The following HPSE2 variants were observed in gnomAD, a reference collection of about 807,000 sequenced individuals.
HPSE2 encodes heparanase 2 (inactive).
A neutral mutation model predicts 60.5 loss-of-function variants in HPSE2; 38 were observed. The ratio of observed to expected loss-of-function variants is 0.63; its 90% CI spans 0.48 to 0.82. HPSE2 has a LOEUF of 0.82. HPSE2 is among the 40% of genes least tolerant of loss of function. The probability of loss-of-function intolerance (pLI) is 0.00; values close to 1 mark genes in which losing one functional copy is unlikely to be tolerated. For missense variants in HPSE2, 713 were observed against 740.4 expected (o/e 0.96, Z 0.43); for synonymous variants, 295 against 293.2 (o/e 1.01, Z -0.06).
the HPSE2 span, among the ~76,000 whole-genome samples, chr10:99,263,756 C>T: frequency 2.2e-4 from 33 of 152,144 alleles, no homozygotes; most frequent in Non-Finnish European, 4.3e-4. Context: ...TCCTTCCAGC[C>T]TCACAGGCTC....
chr10:99,264,556 A>T, the HPSE2 span, among the ~76,000 whole-genome samples: 1 of 152,220 alleles, frequency 6.6e-6, no homozygotes, highest in Non-Finnish European at 1.5e-5. Flanking sequence ...CTGGCATATG[A>T]CAACATAAAA....
At chr10:98,882,838 C>G (rs772170843) in intron 3 of HPSE2, among the ~76,000 whole-genome samples, 16 of 152,078 alleles carry the variant, frequency 1.1e-4, no homozygotes, top group Non-Finnish European at 2.2e-4. Context: ...TACAACAATA[C>G]TATGGAATAA....
chr10:99,143,782 TAAG>T, intron 3 of HPSE2, among the ~76,000 whole-genome samples: 1 of 152,172 alleles, frequency 6.6e-6, no homozygotes, highest in East Asian at 1.9e-4. Flanking sequence ...TCTTTGCTCT[TAAG>T]AAGAAAATCA....
chr10:99,122,683 C>T (rs1432399961), intron 3 of HPSE2, among the ~76,000 whole-genome samples: 1 of 151,954 alleles, frequency 6.6e-6, no homozygotes, highest in Non-Finnish European at 1.5e-5. Flanking sequence ...GAGATATATA[C>T]TATTTTCTTA....
chr10:98,991,295 C>G (rs184234198), intron 3 of HPSE2, among the ~76,000 whole-genome samples: 1 of 152,012 alleles, frequency 6.6e-6, no homozygotes, highest in African/African-American at 2.4e-5. Context: ...TTTATTTAGA[C>G]GGCCAGGAAA....
intron 8 of HPSE2, among the ~76,000 whole-genome samples, chr10:98,618,433 G>T (rs1323877501): frequency 6.6e-6 from 1 of 152,118 alleles, no homozygotes; most frequent in African/African-American, 2.4e-5. Flanking sequence ...GCTGGGCCCT[G>T]CAGCAGCGTC....
chr10:99,069,635 T>C (rs1418929103), intron 3 of HPSE2, among the ~76,000 whole-genome samples: 2 of 151,240 alleles, frequency 1.3e-5, no homozygotes, highest in Non-Finnish European at 2.9e-5. Context: ...GTACTAATAC[T>C]CAATCTTCTT....
At chr10:98,921,123 C>G (rs1451019456) in intron 3 of HPSE2, among the ~76,000 whole-genome samples, 2 of 152,158 alleles carry the variant, frequency 1.3e-5, no homozygotes, top group African/African-American at 2.4e-5. Flanking sequence ...CTCTGATCCT[C>G]CATTCTCTCA....
At chr10:98,919,198 G>T (rs1270365049) in intron 3 of HPSE2, among the ~76,000 whole-genome samples, 1 of 152,110 alleles carries the variant, frequency 6.6e-6, no homozygotes, top group East Asian at 1.9e-4. Flanking sequence ...AACAAGTAGA[G>T]CACATTCTAC....
At chr10:99,304,782 G>A in the HPSE2 span, among the ~76,000 whole-genome samples, 20 of 152,218 alleles carry the variant, frequency 1.3e-4, no homozygotes, top group Admixed American at 2.6e-4. Context: ...ATTGGGCCAA[G>A]CACAGGAATG....
chr10:99,008,881 T>C (rs1351092612), intron 3 of HPSE2, among the ~76,000 whole-genome samples: 1 of 152,128 alleles, frequency 6.6e-6, no homozygotes, highest in Non-Finnish European at 1.5e-5. Context: ...GATCCCTTTA[T>C]TGTCACAACA....
rs376859880 is a variant in HPSE2 at position 98,706,430 on chromosome 10, G to A, written c.957-12483C>T. Among the ~76,000 whole-genome samples, 11 of 152,252 alleles carry A rather than the reference G, an allele frequency of 7.2e-5. No homozygotes were observed. The South Asian group carries it at 1.2e-3, about 17-fold the overall frequency. On this transcript the variant is annotated intron_variant, in intron 5 of 11. Coordinates refer to ENST00000370552, the MANE Select transcript of HPSE2 (RefSeq NM_021828.5). Reference sequence around the variant, plus strand: ...GGTATCAGAAGACGACTGGCTCAGGGCCTCTGCTACAAGACAACCACAATG... The same window carrying A: ...GGTATCAGAAGACGACTGGCTCAGGACCTCTGCTACAAGACAACCACAATG...
intron 3 of HPSE2, among the ~76,000 whole-genome samples, chr10:98,776,310 G>A (rs1241195364): frequency 2.6e-5 from 4 of 151,680 alleles, no homozygotes; most frequent in Non-Finnish European, 5.9e-5. Flanking sequence ...AGCTGGGTGT[G>A]GTGGCGCATG....
At chr10:98,484,447 A>G (rs1461357229) in intron 10 of HPSE2, among the ~76,000 whole-genome samples, 4 of 152,232 alleles carry the variant, frequency 2.6e-5, no homozygotes, top group Non-Finnish European at 5.9e-5. Flanking sequence ...CATGTTGGCC[A>G]GGCTGGTCTT....
intron 3 of HPSE2, among the ~76,000 whole-genome samples, chr10:99,076,957 T>C (rs143932756): frequency 1.8e-4 from 27 of 152,358 alleles, no homozygotes; most frequent in African/African-American, 4.3e-4. Flanking sequence ...TCCATCATTA[T>C]TGAAGGACAA....
At chr10:98,868,150 T>C (rs1952640914) in intron 3 of HPSE2, among the ~76,000 whole-genome samples, 1 of 151,408 alleles carries the variant, frequency 6.6e-6, no homozygotes, top group South Asian at 2.1e-4. Flanking sequence ...CACAATGAAG[T>C]ACTATTCAGC....
At chr10:98,768,990 T>C (rs910300861) in intron 3 of HPSE2, among the ~76,000 whole-genome samples, 21 of 152,108 alleles carry the variant, frequency 1.4e-4, no homozygotes, top group Non-Finnish European at 7.4e-5. Flanking sequence ...GAGGTTGCAG[T>C]GAAGGGAGAT....
At chr10:98,990,466 G>A (rs983509379) in intron 3 of HPSE2, among the ~76,000 whole-genome samples, 1 of 152,184 alleles carries the variant, frequency 6.6e-6, no homozygotes, top group African/African-American at 2.4e-5. Context: ...AAGTGATGGG[G>A]AGTGGCTGTA....
At chr10:99,186,816 G>A (rs184216824) in intron 2 of HPSE2, among the ~76,000 whole-genome samples, 7 of 152,188 alleles carry the variant, frequency 4.6e-5, no homozygotes, top group Non-Finnish European at 7.4e-5. Context: ...TCATTCTGCT[G>A]TCCAGGCTGG....
Sources: allele counts gnomAD v4.1 joint callset (sites outside exome capture counted in the v4.1 genomes callset), GRCh38; gene constraint gnomAD v4.1.1; transcripts MANE v1.5; gene names NCBI Gene and HGNC (gene_info 2026-07-23, HGNC 2026-07-21).